Variants in LANCL3 observed in about 807,000 individuals in gnomAD.
The protein encoded by LANCL3 is LanC like family member 3, also known as lanC-like protein 3.
LANCL3 carries 19 observed loss-of-function variants against 26.5 expected under a neutral mutation model. The ratio of observed to expected loss-of-function variants is 0.72; its 90% CI spans 0.50 to 1.05. The LOEUF (loss-of-function observed/expected upper bound fraction) is 1.05, where lower values mean the gene tolerates loss of function less well. LANCL3 is among the 50% of genes least tolerant of loss of function. LANCL3 has a pLI of 0.00. For synonymous variants in LANCL3, 160 were observed against 166.6 expected (o/e 0.96, Z 0.30); for missense variants, 318 against 362.7 (o/e 0.88, Z 1.00).
intron 2 of LANCL3, among the ~76,000 whole-genome samples, chrX:37,657,951 C>A (rs1926325803): frequency 8.9e-6 from 1 of 111,760 alleles, no homozygotes; most frequent in South Asian, 3.7e-4. Flanking sequence ...AAAGAGCAAG[C>A]CATCAGAATA....
intron 1 of LANCL3, among the ~76,000 whole-genome samples, chrX:37,623,610 G>T (rs1375622569): frequency 8.9e-6 from 1 of 112,011 alleles, no homozygotes; most frequent in Non-Finnish European, 1.9e-5. Flanking sequence ...TTTTAGTACT[G>T]TTCAATTATT....
At chrX:37,613,196 T>C (rs1195643006) in intron 1 of LANCL3, among the ~76,000 whole-genome samples, 2 of 109,709 alleles carry the variant, frequency 1.8e-5, no homozygotes, top group African/African-American at 6.6e-5. Flanking sequence ...CCTTTAGTAC[T>C]ACCTGACATC....
intron 1 of LANCL3, among the ~76,000 whole-genome samples, chrX:37,572,807 G>A (rs1923642112): frequency 8.9e-6 from 1 of 111,956 alleles, no homozygotes; most frequent in Admixed American, 9.4e-5. Context: ...GTCAAAAGCT[G>A]AGGCATCCTC....
At chrX:37,656,532 T>C in intron 2 of LANCL3, among the ~76,000 whole-genome samples, 2 of 112,421 alleles carry the variant, frequency 1.8e-5, no homozygotes, top group Middle Eastern at 9.2e-3. Flanking sequence ...TCAAACATCA[T>C]TAATCTGCTG....
chrX:37,596,165 G>A (rs1161136465), intron 1 of LANCL3, among the ~76,000 whole-genome samples: 14 of 111,894 alleles, frequency 1.3e-4, no homozygotes, highest in African/African-American at 4.2e-4. Flanking sequence ...AGCATACTAT[G>A]ACTTAATATA....
intron 1 of LANCL3, among the ~76,000 whole-genome samples, chrX:37,652,257 A>T (rs1556429273): frequency 1.8e-5 from 2 of 111,069 alleles, no homozygotes; most frequent in African/African-American, 6.6e-5. Flanking sequence ...GTCAGTGGTG[A>T]GGCCAGCATT....
intron 1 of LANCL3, among the ~76,000 whole-genome samples, chrX:37,651,664 C>A (rs1438177594): frequency 1.8e-5 from 2 of 110,301 alleles, no homozygotes; most frequent in Non-Finnish European, 3.8e-5. Flanking sequence ...AGGTTTGTTA[C>A]ATATGTATAC....
At chrX:37,627,152 A>G (rs1161488520) in intron 1 of LANCL3, among the ~76,000 whole-genome samples, 1 of 112,064 alleles carries the variant, frequency 8.9e-6, no homozygotes, top group Non-Finnish European at 1.9e-5. Context: ...TGTCAAAATG[A>G]GATTTCTTGT....
At position 37,604,437 on chromosome X, in the gene LANCL3, G is replaced by A. The variant is rs1362786815; in HGVS notation, c.573+31994G>A. Among the ~76,000 whole-genome samples, 6 of 112,225 alleles carry A rather than the reference G, an allele frequency of 5.3e-5. No individual in the cohort carries two copies. The South Asian group carries it at 1.9e-3, about 35-fold the overall frequency. On this transcript the variant is annotated intron_variant, in intron 1 of 4. Transcript: ENST00000378619. ...GGCACATGTGTCAGTTATTACTGGT[G>A]CGTAACAAACGACCTCAAAACTGAG...
intron 1 of LANCL3, among the ~76,000 whole-genome samples, chrX:37,586,577 C>T (rs1924090065): frequency 8.9e-6 from 1 of 111,809 alleles, no homozygotes; most frequent in East Asian, 2.8e-4. Flanking sequence ...CCTTTCTTCC[C>T]GTTGATCAAA....
intron 1 of LANCL3, among the ~76,000 whole-genome samples, chrX:37,596,868 A>T (rs1924444716): frequency 8.9e-6 from 1 of 111,953 alleles, no homozygotes. Context: ...TAAAATATAC[A>T]GTTCAATGGT....
At position 37,655,798 on chromosome X, in the gene LANCL3, A is replaced by T; in HGVS notation, c.684A>T (p.Gly228=). 8.3e-7 allele frequency: 1 copy of T among 1,206,296 alleles called. No individual in the cohort carries two copies. The highest frequency in any genetic ancestry group is 1.1e-6 in the Non-Finnish European group (1 of 891,841). ...TCCCCCTGATGTATTCTTACTATGG[A>T]ACCGAATACTTGGGTAAGTGAAGGT... The part of the protein sequence containing the change: ...KPFPLMYSYY[G]TEYLGAAHGL... Residue 228 remains glycine (G), a synonymous_variant, in exon 2 of 5, where the codon GGA becomes GGT. Transcript: ENST00000378619.
intron 3 of LANCL3, among the ~76,000 whole-genome samples, chrX:37,661,647 G>A (rs1556432616): frequency 9.0e-6 from 1 of 111,190 alleles, no homozygotes; most frequent in East Asian, 2.8e-4. Context: ...ATTTTGCAGA[G>A]GTTGGCAACA....
chrX:37,597,398 C>A (rs1200521878), intron 1 of LANCL3, among the ~76,000 whole-genome samples: 1 of 111,844 alleles, frequency 8.9e-6, no homozygotes, highest in Non-Finnish European at 1.9e-5. Flanking sequence ...GATCATAGGG[C>A]AACTGTACAT....
Position 37,644,260 on chromosome X carries a change from CA to C in LANCL3, c.574-11427del, listed in dbSNP as rs782084615. ...GTTAGAAATGCAAGACCTCAGGCCC[CA>C]CTCCACAGCTACTGAGTCAGAATCT... On this transcript the variant is annotated intron_variant, in intron 1 of 4. Transcript: ENST00000378619. Among the ~76,000 whole-genome samples the C allele has an allele frequency of 5.4e-5, 6 of 111,698 alleles. No homozygotes were observed. The South Asian group carries it at 2.3e-3, about 43-fold the overall frequency.
At chrX:37,578,980 T>TA (rs782094502) in intron 1 of LANCL3, among the ~76,000 whole-genome samples, 906 of 53,479 alleles carry the variant, frequency 0.017, 13 homozygotes, top group African/African-American at 0.034. Context: ...ACTCCATCTC[T>TA]AAAAAAAAAA....
At position 37,677,136 on chromosome X, in the gene LANCL3, T is replaced by TGTGTG. The variant is rs1556437560; in HGVS notation, c.*1323_*1324insGTGTG. The TGTGTG allele has an allele frequency of 4.1e-5, 3 of 73,754 alleles. No individual in the cohort carries two copies. The highest frequency in any genetic ancestry group is 2.6e-4 in the Admixed American group (2 of 7,795). The allele number at this position is 73,754 out of a possible 1,213,427, so 6.1% of individuals were successfully genotyped here. A position where few individuals can be genotyped will look rare whatever the true frequency, so the allele number is the denominator to read the frequency against. ...AATAGTCATTAAATATTTGGATATA[T>TGTGTG]TATGTGTGTGTGTGTGTGTGTGTGT... On this transcript the variant is annotated 3_prime_UTR_variant, in exon 5 of 5. Transcript: ENST00000378619.
At chrX:37,661,791 C>T (rs1427709940) in intron 3 of LANCL3, among the ~76,000 whole-genome samples, 1 of 112,341 alleles carries the variant, frequency 8.9e-6, no homozygotes, top group South Asian at 3.7e-4. Context: ...TAAAAACCTG[C>T]CAGAAATAAT....
At position 37,572,413 on chromosome X, in the gene LANCL3, G is replaced by A; in HGVS notation, c.543G>A (p.Ala181=). Residue 181 remains alanine (A), a synonymous_variant, in exon 1 of 5, where the codon GCG becomes GCA. Transcript: ENST00000378619. ...FVGRAGYLCA[A]LVLKQKLAQE... ...GCCGCGCGGGTTACCTGTGTGCCGC[G>A]CTGGTGCTCAAGCAGAAACTCGCCC... 3 of 1,176,715 alleles carry A rather than the reference G, an allele frequency of 2.5e-6. No homozygotes were observed. Among genetic ancestry groups the A allele is most frequent in the Non-Finnish European group, 3.4e-6 (3 of 877,847 alleles).
Sources: gnomAD v4.1 joint callset for allele counts (sites outside exome capture counted in the v4.1 genomes callset) on GRCh38, gnomAD v4.1.1 for gene constraint, MANE v1.5 for transcripts, NCBI Gene and HGNC (gene_info 2026-07-23, HGNC 2026-07-21) for gene names.